The following NKAIN2 variants were observed in gnomAD, a reference collection of about 807,000 sequenced individuals.
NKAIN2 encodes the protein sodium/potassium-transporting ATPase subunit beta-1-interacting protein 2.
In NKAIN2, 14 loss-of-function variants were observed where a neutral mutation model predicts 32.6. The ratio of observed to expected loss-of-function variants is 0.43; its 90% confidence interval spans 0.28 to 0.67. The LOEUF is 0.67. NKAIN2 is among the 30% of genes least tolerant of loss of function. NKAIN2 has a pLI of 0.17. For missense variants in NKAIN2, 198 were observed against 258.3 expected, an observed-to-expected ratio of 0.77 and a Z score of 1.60; for synonymous variants, 80 against 87.2, an observed-to-expected ratio of 0.92 and a Z score of 0.46.
chr6:124,442,543 C>A (rs1169559920), intron 3 of NKAIN2, among the ~76,000 whole-genome samples: 5 of 152,064 alleles, frequency 3.3e-5, no homozygotes, highest in Non-Finnish European at 7.4e-5. Context: ...CCGGCTCCTG[C>A]ATCTTATTTG....
chr6:124,491,229 A>G (rs998913388), intron 3 of NKAIN2, among the ~76,000 whole-genome samples: 1 of 151,872 alleles, frequency 6.6e-6, no homozygotes, highest in African/African-American at 2.4e-5. Context: ...ATGACATCAG[A>G]GTCACATGCT....
intron 1 of NKAIN2, among the ~76,000 whole-genome samples, chr6:124,066,962 C>T (rs1387609115): frequency 6.6e-6 from 1 of 151,808 alleles, no homozygotes; most frequent in Non-Finnish European, 1.5e-5. Flanking sequence ...TGTTTTTATT[C>T]GTCAATCTAA....
intron 3 of NKAIN2, among the ~76,000 whole-genome samples, chr6:124,537,158 C>T (rs1779746970): frequency 6.6e-6 from 1 of 152,214 alleles, no homozygotes; most frequent in Admixed American, 6.5e-5. Context: ...ACTCTATGAG[C>T]TCACAGCTGC....
chr6:124,137,077 GT>G (rs1786838712), intron 1 of NKAIN2, among the ~76,000 whole-genome samples: 1 of 151,984 alleles, frequency 6.6e-6, no homozygotes, highest in East Asian at 1.9e-4. Context: ...AACTGTCACT[GT>G]TTGCTGATAT....
chr6:124,472,284 A>G (rs2114675429), intron 3 of NKAIN2, among the ~76,000 whole-genome samples: 1 of 152,314 alleles, frequency 6.6e-6, no homozygotes, highest in East Asian at 1.9e-4. Context: ...TTTGTTTAGC[A>G]TCTATTTTGA....
chr6:124,370,682 A>C (rs1799723426), intron 3 of NKAIN2, among the ~76,000 whole-genome samples: 1 of 152,104 alleles, frequency 6.6e-6, no homozygotes, highest in Admixed American at 6.6e-5. Flanking sequence ...CTGACAGAAA[A>C]ATCTCTAGTG....
intron 1 of NKAIN2, among the ~76,000 whole-genome samples, chr6:123,844,570 G>A (rs190793214): frequency 8.5e-5 from 13 of 152,204 alleles, no homozygotes; most frequent in African/African-American, 2.6e-4. Flanking sequence ...TAACTTTCAG[G>A]CCATCTAAAC....
At chr6:124,570,310 C>T (rs1321890512) in intron 3 of NKAIN2, among the ~76,000 whole-genome samples, 1 of 152,192 alleles carries the variant, frequency 6.6e-6, no homozygotes, top group Non-Finnish European at 1.5e-5. Context: ...TGGCTGCAGA[C>T]ATTTGCTTAA....
At chr6:123,936,170 A>G (rs975506176) in intron 1 of NKAIN2, among the ~76,000 whole-genome samples, 2 of 152,206 alleles carry the variant, frequency 1.3e-5, no homozygotes, top group Admixed American at 1.3e-4. Flanking sequence ...GAGAAACCAC[A>G]TTTATTTTGA....
intron 3 of NKAIN2, among the ~76,000 whole-genome samples, chr6:124,494,152 T>A (rs1354772247): frequency 6.6e-6 from 1 of 152,112 alleles, no homozygotes; most frequent in Non-Finnish European, 1.5e-5. Context: ...TCGTATTGCA[T>A]GGCTTAGGTG....
At chr6:124,332,250 G>C (rs111405252) in intron 2 of NKAIN2, among the ~76,000 whole-genome samples, 2,796 of 150,706 alleles carry the variant, frequency 0.019, 70 homozygotes, top group African/African-American at 0.053. Context: ...CACACACAGA[G>C]AGAGAGAGAG....
chr6:124,256,885 G>GTTT (rs568654193), intron 1 of NKAIN2, among the ~76,000 whole-genome samples: 3,131 of 75,034 alleles, frequency 0.042, 102 homozygotes, highest in African/African-American at 0.05. Flanking sequence ...GCTTTCTGTT[G>GTTT]TTTTTTTTTT....
intron 3 of NKAIN2, among the ~76,000 whole-genome samples, chr6:124,565,842 G>A (rs1027926052): frequency 6.6e-6 from 1 of 152,086 alleles, no homozygotes; most frequent in East Asian, 1.9e-4. Flanking sequence ...CAGAAGGATG[G>A]GAAGTGTTTC....
intron 3 of NKAIN2, among the ~76,000 whole-genome samples, chr6:124,634,371 A>G (rs9491205): frequency 0.036 from 5,431 of 152,240 alleles, 188 homozygotes; most frequent in African/African-American, 0.09. Context: ...GCAATTCATG[A>G]TCTGACTGAG....
At chr6:123,995,041 C>T (rs1293093795) in intron 1 of NKAIN2, among the ~76,000 whole-genome samples, 4 of 152,098 alleles carry the variant, frequency 2.6e-5, no homozygotes, top group Non-Finnish European at 1.5e-5. Flanking sequence ...AAAGGAAAAG[C>T]ATAAGGTGAG....
At chr6:124,710,348 T>G (rs1288654197) in intron 4 of NKAIN2, among the ~76,000 whole-genome samples, 6 of 151,244 alleles carry the variant, frequency 4.0e-5, no homozygotes, top group Admixed American at 6.6e-5. Context: ...TATTAGGTCT[T>G]CTTGGTGCAG....
At chr6:124,306,274 G>T (rs1796501816) in intron 2 of NKAIN2, among the ~76,000 whole-genome samples, 1 of 152,006 alleles carries the variant, frequency 6.6e-6, no homozygotes, top group Non-Finnish European at 1.5e-5. Flanking sequence ...AGTTTTCATA[G>T]GTCCAAGAAA....
intron 3 of NKAIN2, among the ~76,000 whole-genome samples, chr6:124,371,592 G>T (rs1562136304): frequency 6.6e-6 from 1 of 151,078 alleles, no homozygotes; most frequent in Non-Finnish European, 1.5e-5. Flanking sequence ...TACTCAGGAG[G>T]CTGAGGCAGG....
chr6:124,307,364 A>G lies in NKAIN2; in HGVS notation c.192+24222A>G, dbSNP rs141041220. Among the ~76,000 whole-genome samples the G allele has an allele frequency of 3.3e-5, 5 of 152,328 alleles. No individual in the cohort carries two copies. The East Asian group carries it at 7.7e-4, about 23-fold the overall frequency. On this transcript the variant is annotated intron_variant, in intron 2 of 6. Coordinates refer to ENST00000368417, the MANE Select transcript of NKAIN2 (RefSeq NM_001040214.3). The stretch of plus-strand genomic sequence containing the variant: ...TAATTAATATGCTTATGGTTAAATT[A>G]TAGTTTATTGTGTATTTCTTATTCC...
Sources: allele counts gnomAD v4.1 joint callset (sites outside exome capture counted in the v4.1 genomes callset), GRCh38; gene constraint gnomAD v4.1.1; transcripts MANE v1.5; gene names NCBI Gene and HGNC (gene_info 2026-07-23, HGNC 2026-07-21).